The following ELAVL2 variants were observed in gnomAD, a reference collection of about 807,000 sequenced individuals.
ELAVL2 encodes the protein ELAV-like protein 2.
ELAVL2 carries 4 observed loss-of-function variants against 34.6 expected under a neutral mutation model. That is an observed-to-expected ratio of 0.12 (90% CI 0.06 to 0.26). The LOEUF is 0.26. ELAVL2 is among the 10% of genes least tolerant of loss of function. The probability of loss-of-function intolerance (pLI) is 1.00; values close to 1 mark genes in which losing one functional copy is unlikely to be tolerated. For synonymous variants in ELAVL2, 193 were observed against 154.8 expected (o/e 1.25, Z -1.83); for missense variants, 432 against 442.8 (o/e 0.98, Z 0.22).
chr9:23,691,411 C>G lies in ELAVL2; in HGVS notation c.*1146G>C, dbSNP rs1472337255. On this transcript the variant is annotated 3_prime_UTR_variant, in exon 7 of 7. Transcript: ENST00000397312. ...GATTTGCTGCAGTACAAATCATGTG[C>G]AACGTCTTTTTTCCTTAAGACAAAA... The G allele has an allele frequency of 2.6e-5, 4 of 152,520 alleles. No homozygotes were observed. 9.4% of individuals were successfully genotyped at this position (152,520 alleles called of 1,614,324 possible).
the ELAVL2 span, among the ~76,000 whole-genome samples, chr9:23,841,528 A>G: frequency 6.6e-6 from 1 of 151,904 alleles, no homozygotes; most frequent in Non-Finnish European, 1.5e-5. Context: ...CTAAGGGCTC[A>G]TTGAGACAAT....
chr9:23,833,853 A>G, the ELAVL2 span, among the ~76,000 whole-genome samples: 2 of 151,994 alleles, frequency 1.3e-5, no homozygotes, highest in Admixed American at 1.3e-4. Context: ...AATATCCAAA[A>G]GTCTTCATGT....
chr9:23,744,693 A>T (rs1031087981), intron 2 of ELAVL2, among the ~76,000 whole-genome samples: 1 of 152,002 alleles, frequency 6.6e-6, no homozygotes, highest in Non-Finnish European at 1.5e-5. Context: ...GGATCTTAAC[A>T]CAAAAGCCTA....
chr9:23,789,632 C>T (rs1402162854), intron 1 of ELAVL2, among the ~76,000 whole-genome samples: 2 of 152,162 alleles, frequency 1.3e-5, no homozygotes, highest in Admixed American at 6.5e-5. Context: ...GATTTCCACG[C>T]ACTCAGCAGG....
intron 2 of ELAVL2, among the ~76,000 whole-genome samples, chr9:23,745,024 A>G (rs1003542808): frequency 6.6e-6 from 1 of 152,066 alleles, no homozygotes; most frequent in Non-Finnish European, 1.5e-5. Flanking sequence ...AGGCAACAAT[A>G]GGGAGAACCT....
intron 2 of ELAVL2, among the ~76,000 whole-genome samples, chr9:23,761,666 C>T (rs2055039132): frequency 6.6e-6 from 1 of 151,972 alleles, no homozygotes; most frequent in South Asian, 2.1e-4. Flanking sequence ...TTGTATCTCA[C>T]TGTTGAAATG....
At chr9:23,821,995 G>T (rs2064861630) in intron 1 of ELAVL2, 1 of 151,688 alleles carries the variant, frequency 6.6e-6, no homozygotes, top group Non-Finnish European at 1.5e-5. Context: ...GGCTTCAGCA[G>T]CTCAGCTCCG....
intron 2 of ELAVL2, among the ~76,000 whole-genome samples, chr9:23,747,667 G>A (rs1032692953): frequency 6.6e-6 from 1 of 152,100 alleles, no homozygotes; most frequent in African/African-American, 2.4e-5. Flanking sequence ...AGGCAGTGGG[G>A]ATAAGTCTAC....
chr9:23,704,809 A>G, intron 4 of ELAVL2, 109 bp downstream of exon 4: 1 of 1,405,920 alleles, frequency 7.1e-7, no homozygotes. Flanking sequence ...TGGCCCACAT[A>G]TACCTTTGAT....
intron 1 of ELAVL2, among the ~76,000 whole-genome samples, chr9:23,788,518 A>G (rs1193486214): frequency 1.3e-5 from 2 of 152,220 alleles, no homozygotes; most frequent in African/African-American, 4.8e-5. Flanking sequence ...TGGGCCCAGT[A>G]AGACATTAAC....
At chr9:23,825,456 G>A (rs1423442771) in intron 1 of ELAVL2, among the ~76,000 whole-genome samples, 1 of 152,076 alleles carries the variant, frequency 6.6e-6, no homozygotes, top group Non-Finnish European at 1.5e-5. Flanking sequence ...CAAAGTAGAG[G>A]CATGCATCCC....
At chr9:23,813,527 T>C (rs948927899) in intron 1 of ELAVL2, among the ~76,000 whole-genome samples, 1 of 150,778 alleles carries the variant, frequency 6.6e-6, no homozygotes, top group African/African-American at 2.4e-5. Flanking sequence ...GCTCATAACA[T>C]CCTATCAGTT....
intron 3 of ELAVL2, among the ~76,000 whole-genome samples, chr9:23,724,829 C>T (rs188060686): frequency 1.1e-3 from 163 of 152,186 alleles, no homozygotes; most frequent in African/African-American, 3.9e-3. Flanking sequence ...GAACAATTTA[C>T]TCAACGTTTC....
chr9:23,721,224 C>G (rs2043624974), intron 3 of ELAVL2, among the ~76,000 whole-genome samples: 1 of 152,242 alleles, frequency 6.6e-6, no homozygotes, highest in Non-Finnish European at 1.5e-5. Flanking sequence ...AAGATATTTC[C>G]AAGAACCCAG....
intron 4 of ELAVL2, among the ~76,000 whole-genome samples, chr9:23,703,825 G>GT (rs1301983373): frequency 6.6e-6 from 1 of 152,152 alleles, no homozygotes; most frequent in Non-Finnish European, 1.5e-5. Flanking sequence ...AAATCTTCAT[G>GT]TGGCTGCTTC....
At chr9:23,811,631 G>A (rs2063017504) in intron 1 of ELAVL2, among the ~76,000 whole-genome samples, 1 of 152,156 alleles carries the variant, frequency 6.6e-6, no homozygotes, top group African/African-American at 2.4e-5. Context: ...TAGGTGTTTT[G>A]AAAAATAAAT....
intron 1 of ELAVL2, among the ~76,000 whole-genome samples, chr9:23,789,604 C>A (rs2060101839): frequency 6.6e-6 from 1 of 152,124 alleles, no homozygotes. Flanking sequence ...TTTCACAAAC[C>A]TTATTTTGTC....
chr9:23,823,024 A>C (rs544678614), intron 1 of ELAVL2, among the ~76,000 whole-genome samples: 2 of 152,278 alleles, frequency 1.3e-5, no homozygotes, highest in South Asian at 4.1e-4. Flanking sequence ...ATAGTGAAGT[A>C]GGGGGCTCAA....
At chr9:23,723,088 C>G (rs2044154038) in intron 3 of ELAVL2, among the ~76,000 whole-genome samples, 1 of 152,180 alleles carries the variant, frequency 6.6e-6, no homozygotes, top group African/African-American at 2.4e-5. Context: ...TTGTTTTCTT[C>G]TTGTAAATTT....
Sources: gnomAD v4.1 joint callset for allele counts (sites outside exome capture counted in the v4.1 genomes callset) on GRCh38, gnomAD v4.1.1 for gene constraint, MANE v1.5 for transcripts, NCBI Gene and HGNC (gene_info 2026-07-23, HGNC 2026-07-21) for gene names.